Variants in NFATC3 observed in about 807,000 individuals in gnomAD.
NFATC3 encodes nuclear factor of activated T-cells, cytoplasmic 3.
A neutral mutation model predicts 98.6 loss-of-function variants in NFATC3; 46 were observed. That is an observed-to-expected ratio of 0.47 (90% CI 0.37 to 0.60). The LOEUF is 0.60. Ranked by LOEUF, NFATC3 falls within the 20% of genes least tolerant of loss-of-function variation. The pLI is 0.00. For missense variants in NFATC3, 1,256 were observed against 1,295.5 expected (o/e 0.97, Z 0.47); for synonymous variants, 512 against 472.2 (o/e 1.08, Z -1.09).
Position 68,226,469 on chromosome 16 carries a change from T to C in NFATC3, c.3226T>C (p.Ter1076GlnextTer62). Reference protein sequence around the residue: ...SLDLGRSDGL* With the variant: ...SLDLGRSDGLQ ...GGATTTAGGAAGATCTGATGGGCTC[T>C]AACAGTGCTTACTGCAGCCTTGTGT... The change falls in exon 10 of 10, where the codon TAA becomes CAA. Residue 1076 changes from the stop codon to glutamine (Q), a stop_lost. Coordinates refer to ENST00000346183, the MANE Select transcript of NFATC3 (RefSeq NM_173165.3). The C allele has an allele frequency of 6.6e-7, 1 of 1,515,916 alleles. No homozygotes were observed. Among genetic ancestry groups the C allele is most frequent in the Non-Finnish European group, 8.8e-7 (1 of 1,139,374 alleles). 93.9% of individuals were successfully genotyped at this position (1,515,916 alleles called of 1,614,324 possible).
chr16:68,181,197 C>G (rs2039937134), intron 6 of NFATC3, among the ~76,000 whole-genome samples: 1 of 152,208 alleles, frequency 6.6e-6, no homozygotes, highest in Non-Finnish European at 1.5e-5. Flanking sequence ...GATCGCCATT[C>G]TAACCGGTGT....
At chr16:68,155,186 G>A (rs2038541184) in intron 3 of NFATC3, among the ~76,000 whole-genome samples, 1 of 152,162 alleles carries the variant, frequency 6.6e-6, no homozygotes, top group Admixed American at 6.5e-5. Flanking sequence ...GCCAAGGCTG[G>A]ACAAGTAGGC....
chr16:68,139,611 A>AT lies in NFATC3; in HGVS notation c.1401+13007dup, dbSNP rs2037637241. Among the ~76,000 whole-genome samples, 3 of 152,330 alleles carry AT rather than the reference A, an allele frequency of 2.0e-5. No individual in the cohort carries two copies. In the South Asian group the frequency reaches 6.2e-4, roughly 32 times the overall value. ...GAGCTAAGAAATTTCTGAAATACAT[A>AT]TTTTTTGAAATGATGAGGGAATGCA... On this transcript the variant is annotated intron_variant, in intron 3 of 9. Coordinates refer to ENST00000346183, the MANE Select transcript of NFATC3 (RefSeq NM_173165.3).
At chr16:68,222,008 G>A (rs911833004) in intron 9 of NFATC3, among the ~76,000 whole-genome samples, 1 of 151,928 alleles carries the variant, frequency 6.6e-6, no homozygotes, top group Non-Finnish European at 1.5e-5. Flanking sequence ...ACAACACCTC[G>A]GCTGGGTGCA....
At chr16:68,206,617 A>C (rs2041155399) in intron 9 of NFATC3, among the ~76,000 whole-genome samples, 1 of 152,212 alleles carries the variant, frequency 6.6e-6, no homozygotes, top group African/African-American at 2.4e-5. Context: ...ATTTACATAT[A>C]ATATTCCATA....
At chr16:68,190,582 T>C (rs2040392125) in intron 8 of NFATC3, among the ~76,000 whole-genome samples, 186 bp from the exon 9 acceptor site, 1 of 152,232 alleles carries the variant, frequency 6.6e-6, no homozygotes, top group Admixed American at 6.5e-5. Flanking sequence ...AAAACGTGTA[T>C]GTGTATACAT....
rs1209484890 is a variant in NFATC3 at position 68,085,643 on chromosome 16, G to A, written c.-39G>A. On this transcript the variant is annotated 5_prime_UTR_variant, in exon 1 of 10. Coordinates refer to ENST00000346183, the MANE Select transcript of NFATC3 (RefSeq NM_173165.3). ...GCCGCCGCTTGCCGCTGCCGCCGCC[G>A]CCGCCTGAGGAGGAGCTGCAGCACC... 7.5e-6 allele frequency: 11 copies of A among 1,471,264 alleles called. No individual in the cohort carries two copies. The highest frequency in any genetic ancestry group is 9.9e-6 in the Non-Finnish European group (11 of 1,111,912). The allele number at this position is 1,471,264 out of a possible 1,614,324, so 91.1% of individuals were successfully genotyped here.
At chr16:68,164,317 T>G (rs1361060662) in intron 4 of NFATC3, among the ~76,000 whole-genome samples, 1 of 151,192 alleles carries the variant, frequency 6.6e-6, no homozygotes, top group Non-Finnish European at 1.5e-5. Context: ...GGCAGGGAGG[T>G]TGCAGTGAGC....
intron 6 of NFATC3, 145 bp downstream of exon 6, chr16:68,174,659 C>T (rs1419829545): frequency 1.6e-6 from 1 of 620,464 alleles, no homozygotes; most frequent in Admixed American, 4.0e-5. Flanking sequence ...TTAAACCAAA[C>T]ATTTATTAAA....
chr16:68,115,680 C>T (rs1167425007), intron 1 of NFATC3, among the ~76,000 whole-genome samples: 1 of 152,134 alleles, frequency 6.6e-6, no homozygotes, highest in Non-Finnish European at 1.5e-5. Flanking sequence ...CCCCTTTGGC[C>T]TCCCAAAGTG....
chr16:68,215,982 C>T (rs1459956832), intron 9 of NFATC3, among the ~76,000 whole-genome samples: 1 of 152,138 alleles, frequency 6.6e-6, no homozygotes, highest in African/African-American at 2.4e-5. Flanking sequence ...CCCACCTTGG[C>T]CTCCCAAAGT....
chr16:68,223,914 A>C (rs2041953093), intron 9 of NFATC3, among the ~76,000 whole-genome samples: 1 of 150,624 alleles, frequency 6.6e-6, no homozygotes, highest in Non-Finnish European at 1.5e-5. Flanking sequence ...AAAAAAAAAA[A>C]ATCTGACAAA....
In NFATC3 at chr16:68,178,344, TCC is replaced by T. The variant is rs1567535570; in HGVS notation, c.1916-3130_1916-3129del. Among the ~76,000 whole-genome samples, 4 of 152,328 alleles carry T rather than the reference TCC, an allele frequency of 2.6e-5. No individual in the cohort carries two copies. In the East Asian group the frequency reaches 7.7e-4, roughly 29 times the overall value. On this transcript the variant is annotated intron_variant, in intron 6 of 9. Transcript: ENST00000346183. ...CTGGAAGTATGTGGCTGTCTTATTC[TCC>T]TTTAAAATTAACTTCCCTTCAACCC... is the stretch of plus-strand genomic sequence containing the variant.
At chr16:68,216,756 C>T (rs368290736) in intron 9 of NFATC3, among the ~76,000 whole-genome samples, 8 of 152,068 alleles carry the variant, frequency 5.3e-5, no homozygotes, top group African/African-American at 1.7e-4. Flanking sequence ...TGGTTTTGAA[C>T]GCCTGACCTC....
At chr16:68,147,991 TATTGATTTATTTAGG>T (rs1207771576) in intron 3 of NFATC3, among the ~76,000 whole-genome samples, 1 of 152,068 alleles carries the variant, frequency 6.6e-6, no homozygotes, top group Non-Finnish European at 1.5e-5. Flanking sequence ...TCCTTTTAGC[TATTGATTTATTTAGG>T]ATTTATTTAT....
intron 3 of NFATC3, among the ~76,000 whole-genome samples, chr16:68,129,890 T>G (rs1383875645): frequency 6.6e-6 from 1 of 152,030 alleles, no homozygotes; most frequent in Non-Finnish European, 1.5e-5. Context: ...TTGCCCGGGC[T>G]GGTCTCAAAA....
chr16:68,099,113 G>GA, intron 1 of NFATC3, among the ~76,000 whole-genome samples: 1 of 152,040 alleles, frequency 6.6e-6, no homozygotes, highest in East Asian at 1.9e-4. Context: ...ATCATATGTA[G>GA]ATTAGTGTAA....
rs1399678162 is a variant in NFATC3 at position 68,191,229 on chromosome 16, T to C, written c.2560T>C (p.Phe854Leu). 1 of 1,614,192 alleles carries C rather than the reference T, an allele frequency of 6.2e-7. No homozygotes were observed. The highest frequency in any genetic ancestry group is 1.7e-5 in the Admixed American group (1 of 60,022). Reference protein sequence around the residue: ...LGCQPLSSIPFHSSNSGSTGH... With the variant: ...LGCQPLSSIPLHSSNSGSTGH... Reference sequence around the variant, plus strand: ...CTGTCAACCACTGTCATCCATACCATTTCATTCTTCAAATTCAGGCTCAAC... The same window carrying C: ...CTGTCAACCACTGTCATCCATACCACTTCATTCTTCAAATTCAGGCTCAAC... The change falls in exon 9 of 10, where the codon TTT (phenylalanine) becomes CTT (leucine). Residue 854 changes from phenylalanine (F) to leucine (L), a missense_variant. By Grantham distance (22) the Phe-to-Leu change is conservative (BLOSUM62 0). Transcript: ENST00000346183.
chr16:68,112,268 CTTTTTTTTT>C (rs768228927), intron 1 of NFATC3, among the ~76,000 whole-genome samples: 21 of 77,426 alleles, frequency 2.7e-4, no homozygotes, highest in Middle Eastern at 7.7e-3. Context: ...TAGGTTCAGT[CTTTTTTTTT>C]TTTTTTTTTT....
Sources: allele counts gnomAD v4.1 joint callset (sites outside exome capture counted in the v4.1 genomes callset), GRCh38; gene constraint gnomAD v4.1.1; transcripts MANE v1.5; gene names NCBI Gene and HGNC (gene_info 2026-07-23, HGNC 2026-07-21).